ANKRD13C: variants seen among roughly 807,000 people sequenced by gnomAD.
ANKRD13C encodes the protein ankyrin repeat domain-containing protein 13C.
In ANKRD13C, 16 loss-of-function variants were observed where a neutral mutation model predicts 65.5. The observed-to-expected ratio is 0.24, with a 90% CI of 0.17 to 0.37. The LOEUF (loss-of-function observed/expected upper bound fraction) is 0.37, where lower values mean the gene tolerates loss of function less well. Ranked by LOEUF, ANKRD13C falls within the 10% of genes least tolerant of loss-of-function variation. The pLI, the probability that ANKRD13C is intolerant of heterozygous loss-of-function variation, is 1.00. For synonymous variants in ANKRD13C, 235 were observed against 238.7 expected (o/e 0.98, Z 0.14); for missense variants, 503 against 655.9 (o/e 0.77, Z 2.55).
At position 70,270,842 on chromosome 1, in the gene ANKRD13C, A is replaced by T. The variant is rs373613069; in HGVS notation, c.1495+14T>A. 1.9e-6 allele frequency: 3 copies of T among 1,544,398 alleles called. No homozygotes were observed. The African/African-American group carries it at 4.1e-5, about 21-fold the overall frequency. ...CTAATGGACACTAAAATTATATCTA[A>T]TTTTTTCTCTTACCTAATTTTACAG... On this transcript the variant is annotated intron_variant, in intron 12 of 12. Transcript: ENST00000370944.
At chr1:70,333,056 T>A (rs762760191) in intron 2 of ANKRD13C, among the ~76,000 whole-genome samples, 16 of 152,066 alleles carry the variant, frequency 1.1e-4, no homozygotes, top group African/African-American at 1.7e-4. Context: ...TGGTTCTCAG[T>A]GAAAAAGAGG....
chr1:70,351,427 T>C (rs371621354), intron 1 of ANKRD13C, among the ~76,000 whole-genome samples: 1 of 152,026 alleles, frequency 6.6e-6, no homozygotes, highest in Non-Finnish European at 1.5e-5. Context: ...TGAGACGGAG[T>C]CTCACTCTGT....
At chr1:70,286,943 C>T (rs1179915602) in intron 9 of ANKRD13C, among the ~76,000 whole-genome samples, 11 of 152,044 alleles carry the variant, frequency 7.2e-5, no homozygotes, top group Admixed American at 7.2e-4. Context: ...TGAGATCGTG[C>T]CACTGCACTC....
At chr1:70,335,495 C>A (rs1008506932) in intron 2 of ANKRD13C, among the ~76,000 whole-genome samples, 23 of 151,568 alleles carry the variant, frequency 1.5e-4, no homozygotes, top group African/African-American at 5.6e-4. Flanking sequence ...TATCTAAAAT[C>A]CTCACTTTCC....
intron 1 of ANKRD13C, among the ~76,000 whole-genome samples, chr1:70,349,965 G>A (rs1324788972): frequency 6.6e-6 from 1 of 152,090 alleles, no homozygotes; most frequent in African/African-American, 2.4e-5. Flanking sequence ...GTGAAACCCT[G>A]TCTCTACTAA....
intron 12 of ANKRD13C, 120 bp downstream of exon 12, chr1:70,270,736 G>T (rs899337100): frequency 3.1e-6 from 2 of 644,760 alleles, no homozygotes; most frequent in African/African-American, 1.9e-5. Context: ...ACTCCTAAAA[G>T]GTCACGAACC....
At position 70,354,599 on chromosome 1, in the gene ANKRD13C, ACG is replaced by A. The variant is rs1682918462; in HGVS notation, c.-193_-192del. ...CCGGCTCTCGCCTAGGCACGAAGGG[ACG>A]CGCGCTCGCTGGGGGAAGCTAGAAC... On this transcript the variant is annotated 5_prime_UTR_variant, in exon 1 of 13. Transcript: ENST00000370944. The A allele has an allele frequency of 7.5e-7, 1 of 1,338,874 alleles. No homozygotes were observed. Among genetic ancestry groups the A allele is most frequent in the Non-Finnish European group, 9.9e-7 (1 of 1,013,692 alleles). 82.9% of individuals were successfully genotyped at this position (1,338,874 alleles called of 1,614,324 possible).
At chr1:70,351,863 TAAG>T (rs1253864156) in intron 1 of ANKRD13C, among the ~76,000 whole-genome samples, 2 of 151,984 alleles carry the variant, frequency 1.3e-5, no homozygotes, top group African/African-American at 4.8e-5. Context: ...AATGACTAAA[TAAG>T]AAGCACATTA....
intron 1 of ANKRD13C, among the ~76,000 whole-genome samples, 194 bp downstream of exon 1, chr1:70,353,785 T>A (rs181963238): frequency 1.3e-5 from 2 of 152,230 alleles, no homozygotes; most frequent in Admixed American, 1.3e-4. Flanking sequence ...GGAGGATACA[T>A]TCCTTTGCAC....
At chr1:70,352,549 C>T (rs1682791057) in intron 1 of ANKRD13C, among the ~76,000 whole-genome samples, 1 of 152,116 alleles carries the variant, frequency 6.6e-6, no homozygotes, top group Non-Finnish European at 1.5e-5. Flanking sequence ...AGGGAGTTAA[C>T]TCTCAAACCT....
At chr1:70,265,388 A>G (rs1237822730) in intron 12 of ANKRD13C, among the ~76,000 whole-genome samples, 1 of 152,214 alleles carries the variant, frequency 6.6e-6, no homozygotes, top group Non-Finnish European at 1.5e-5. Flanking sequence ...TGAAGAGATT[A>G]GTATAAAAAC....
In ANKRD13C at chr1:70,323,862, T is replaced by C. The variant is rs571451805; in HGVS notation, c.577+991A>G. Among the ~76,000 whole-genome samples the C allele has an allele frequency of 4.6e-5, 7 of 151,518 alleles. No homozygotes were observed. In the Middle Eastern group the frequency reaches 0.01, roughly 221 times the overall value. On this transcript the variant is annotated intron_variant, in intron 3 of 12. Transcript: ENST00000370944. The stretch of plus-strand genomic sequence containing the variant: ...GCCTCAGCCTCCCGAGTAGCTGAGA[T>C]TACAGGTGCCCACCACCATGCCTGG...
chr1:70,327,434 C>T (rs968547308), intron 2 of ANKRD13C, among the ~76,000 whole-genome samples: 2 of 152,056 alleles, frequency 1.3e-5, no homozygotes, highest in African/African-American at 4.8e-5. Context: ...GTTAACTGGT[C>T]AAGACTTTTC....
At chr1:70,337,228 C>T (rs1682081825) in intron 1 of ANKRD13C, among the ~76,000 whole-genome samples, 2 of 151,878 alleles carry the variant, frequency 1.3e-5, no homozygotes, top group African/African-American at 4.8e-5. Context: ...TTGGCAAAGT[C>T]AGCAAAATAC....
Position 70,296,280 on chromosome 1 carries a change from T to C in ANKRD13C, c.922-19A>G. ...CTGATTCCTGGGATGTGAGCAAAAG[T>C]TAAATATAAAAATCTAGGTTTTTCA... On this transcript the variant is annotated intron_variant, in intron 7 of 12. Transcript: ENST00000370944. 1 of 1,600,224 alleles carries C rather than the reference T, an allele frequency of 6.2e-7. No homozygotes were observed. The highest frequency in any genetic ancestry group is 1.7e-4 in the Middle Eastern group (1 of 5,976).
intron 9 of ANKRD13C, among the ~76,000 whole-genome samples, chr1:70,284,778 A>G (rs1425117431): frequency 6.6e-6 from 1 of 152,250 alleles, no homozygotes; most frequent in Non-Finnish European, 1.5e-5. Context: ...ATATATGGAA[A>G]GTACTTAGTA....
At chr1:70,271,509 C>A (rs1014832845) in intron 11 of ANKRD13C, among the ~76,000 whole-genome samples, 1 of 152,108 alleles carries the variant, frequency 6.6e-6, no homozygotes, top group Non-Finnish European at 1.5e-5. Flanking sequence ...CCTACGACTG[C>A]TACGTTTCTT....
At chr1:70,297,287 ATTTTTTTTTTT>A (rs748635051) in intron 7 of ANKRD13C, among the ~76,000 whole-genome samples, 1 of 98,806 alleles carries the variant, frequency 1.0e-5, no homozygotes, top group East Asian at 3.0e-4. Context: ...TCCCTTTCTG[ATTTTTTTTTTT>A]TTTTTTTTTT....
chr1:70,279,414 C>A (rs764448549), intron 9 of ANKRD13C, among the ~76,000 whole-genome samples: 6 of 151,440 alleles, frequency 4.0e-5, no homozygotes, highest in Non-Finnish European at 8.8e-5. Flanking sequence ...AAATCACTTT[C>A]ATTTGTCCTG....
Sources: gnomAD v4.1 joint callset for allele counts (sites outside exome capture counted in the v4.1 genomes callset) on GRCh38, gnomAD v4.1.1 for gene constraint, MANE v1.5 for transcripts, NCBI Gene and HGNC (gene_info 2026-07-23, HGNC 2026-07-21) for gene names.